The following STX3 variants were observed in gnomAD, a reference collection of about 807,000 sequenced individuals.
The protein encoded by STX3 is syntaxin 3, also known as syntaxin-3.
Under a neutral mutation model 40.2 loss-of-function variants are expected in STX3, and 19 were observed. The ratio of observed to expected loss-of-function variants is 0.47; its 90% CI spans 0.33 to 0.69. STX3 has a LOEUF of 0.69. Among genes scored for constraint, STX3 ranks in the 30% least tolerant of loss-of-function variants. The pLI is 0.02. For missense variants in STX3, 364 were observed against 366.7 expected (o/e 0.99, Z 0.06); for synonymous variants, 122 against 132.2 (o/e 0.92, Z 0.53).
intron 2 of STX3, among the ~76,000 whole-genome samples, chr11:59,774,655 A>G (rs1863855392): frequency 6.6e-6 from 1 of 152,058 alleles, no homozygotes; most frequent in Non-Finnish European, 1.5e-5. Flanking sequence ...ACACAGTGAA[A>G]CCCTGTCTGT....
In STX3 at chr11:59,790,576, G is replaced by A. The variant is rs1192939265; in HGVS notation, c.347G>A (p.Arg116Gln). Residue 116 changes from arginine (R) to glutamine (Q), a missense_variant, in exon 5 of 11, where the codon CGG becomes CAG. Arg to Gln is a conservative substitution (Grantham distance 43, BLOSUM62 1). Transcript: ENST00000337979. ...EVRSSADLRI[R>Q]KSQHSVLSRK... The stretch of plus-strand genomic sequence containing the variant: ...AGGTCATCGGCAGACCTTCGGATTC[G>A]GAAATCCCAGGTAAGACTTTTCCTG... 4 of 1,613,208 alleles carry A rather than the reference G, an allele frequency of 2.5e-6. No homozygotes were observed. Among genetic ancestry groups the A allele is most frequent in the Non-Finnish European group, 3.4e-6 (4 of 1,179,320 alleles).
intron 2 of STX3, chr11:59,781,610 T>C: frequency 1.2e-6 from 2 of 1,613,816 alleles, no homozygotes; most frequent in Middle Eastern, 1.7e-4. Flanking sequence ...GCTTGGCCAT[T>C]GCGCCCATTT....
intron 2 of STX3, among the ~76,000 whole-genome samples, chr11:59,783,589 C>G (rs1363832917): frequency 1.3e-5 from 2 of 152,146 alleles, no homozygotes; most frequent in Admixed American, 6.5e-5. Context: ...CAAACACATG[C>G]AATAGCCCTT....
intron 2 of STX3, among the ~76,000 whole-genome samples, chr11:59,780,255 G>A (rs1037899016): frequency 6.6e-6 from 1 of 152,152 alleles, no homozygotes; most frequent in Non-Finnish European, 1.5e-5. Context: ...CTTTTGGGAG[G>A]TAATTAGGTC....
chr11:59,795,904 T>C (rs758268502), intron 9 of STX3, among the ~76,000 whole-genome samples: 7 of 152,136 alleles, frequency 4.6e-5, no homozygotes, highest in East Asian at 1.9e-4. Flanking sequence ...TGGATCTGGC[T>C]CACAAGCTAT....
At chr11:59,771,337 C>A (rs1214662737) in intron 1 of STX3, among the ~76,000 whole-genome samples, 3 of 140,964 alleles carry the variant, frequency 2.1e-5, no homozygotes, top group African/African-American at 8.6e-5. Flanking sequence ...GTAATTGCGC[C>A]ATTGCATTCC....
intron 2 of STX3, among the ~76,000 whole-genome samples, chr11:59,776,148 G>T (rs117756542): frequency 1.2e-4 from 18 of 152,178 alleles, no homozygotes; most frequent in Non-Finnish European, 2.6e-4. Context: ...TAAGGCCTTG[G>T]GGGAGTGGGG....
Position 59,800,949 on chromosome 11 carries a change from T to G in STX3, c.*125T>G. On this transcript the variant is annotated 3_prime_UTR_variant, in exon 11 of 11. Transcript: ENST00000337979. ...CCTGAGAGCGAGTGCGACCCGTTCC[T>G]TTGTTTCCTTGCAACCACCCTTGGA... 4 of 1,536,000 alleles carry G rather than the reference T, an allele frequency of 2.6e-6. No individual in the cohort carries two copies. The highest frequency in any genetic ancestry group is 2.6e-6 in the Non-Finnish European group (3 of 1,146,732).
intron 1 of STX3, among the ~76,000 whole-genome samples, chr11:59,763,310 A>G (rs1863131125): frequency 6.6e-6 from 1 of 152,126 alleles, no homozygotes; most frequent in South Asian, 2.1e-4. Flanking sequence ...CTTCCTAGCC[A>G]CAGATTCCTT....
intron 5 of STX3, among the ~76,000 whole-genome samples, chr11:59,791,182 G>A (rs1417261881): frequency 6.6e-6 from 1 of 152,228 alleles, no homozygotes; most frequent in East Asian, 1.9e-4. Context: ...ACAGGGGCAG[G>A]AGTGAGGCAC....
intron 2 of STX3, among the ~76,000 whole-genome samples, chr11:59,780,884 A>G (rs1221563377): frequency 6.6e-6 from 1 of 152,134 alleles, no homozygotes; most frequent in Admixed American, 6.5e-5. Context: ...GCCCCAACAC[A>G]CTTAATTTAC....
chr11:59,766,562 T>G (rs1034658706), intron 1 of STX3, among the ~76,000 whole-genome samples: 1 of 152,200 alleles, frequency 6.6e-6, no homozygotes, highest in Non-Finnish European at 1.5e-5. Flanking sequence ...ATGTGAAGTT[T>G]CCTGGGTTTC....
intron 8 of STX3, among the ~76,000 whole-genome samples, chr11:59,794,350 G>T (rs1565190086): frequency 6.6e-6 from 1 of 152,240 alleles, no homozygotes; most frequent in African/African-American, 2.4e-5. Flanking sequence ...TCATGGTGCT[G>T]TGCACTGTTG....
intron 1 of STX3, among the ~76,000 whole-genome samples, chr11:59,767,287 G>T (rs978556497): frequency 6.6e-6 from 1 of 152,176 alleles, no homozygotes; most frequent in African/African-American, 2.4e-5. Context: ...GCATCTGGAG[G>T]TTGGGGAGGG....
chr11:59,800,328 T>A (rs934907756), intron 10 of STX3: 1 of 985,386 alleles, frequency 1.0e-6, no homozygotes, highest in Non-Finnish European at 1.2e-6. Flanking sequence ...GATCATAGTA[T>A]CCTCATTTTA....
chr11:59,781,111 C>G (rs1590792963), intron 2 of STX3, among the ~76,000 whole-genome samples: 1 of 121,920 alleles, frequency 8.2e-6, no homozygotes, highest in Non-Finnish European at 1.7e-5. Context: ...TATATTAGCA[C>G]AAACACATTT....
At chr11:59,783,042 G>A (rs959515417) in intron 2 of STX3, among the ~76,000 whole-genome samples, 1 of 151,682 alleles carries the variant, frequency 6.6e-6, no homozygotes, top group African/African-American at 2.4e-5. Flanking sequence ...GAAGGCACTG[G>A]GAATATATTA....
chr11:59,796,956 A>G (rs904145680), intron 9 of STX3, among the ~76,000 whole-genome samples: 5 of 152,192 alleles, frequency 3.3e-5, no homozygotes, highest in Admixed American at 1.3e-4. Context: ...ACAAAAATAA[A>G]GAAAATGAGC....
intron 2 of STX3, among the ~76,000 whole-genome samples, chr11:59,773,700 C>G (rs1363549459): frequency 6.6e-6 from 1 of 152,070 alleles, no homozygotes; most frequent in Non-Finnish European, 1.5e-5. Context: ...AATTTTGGGG[C>G]CAGACATGGT....
Sources: allele counts gnomAD v4.1 joint callset (sites outside exome capture counted in the v4.1 genomes callset), GRCh38; gene constraint gnomAD v4.1.1; transcripts MANE v1.5; gene names NCBI Gene and HGNC (gene_info 2026-07-23, HGNC 2026-07-21).